The following C2CD5 variants were observed in gnomAD, a reference collection of about 807,000 sequenced individuals.
C2CD5 encodes C2 calcium dependent domain containing 5, also known as C2 domain-containing protein 5.
In C2CD5, 109 loss-of-function variants were observed where a neutral mutation model predicts 130.3. The ratio of observed to expected loss-of-function variants is 0.84; its 90% CI spans 0.72 to 0.98. The LOEUF (loss-of-function observed/expected upper bound fraction) is 0.98, where lower values mean the gene tolerates loss of function less well. C2CD5 is among the 50% of genes least tolerant of loss of function. The pLI is 0.00. For missense variants in C2CD5, 996 were observed against 1,261.8 expected (o/e 0.79, Z 3.19); for synonymous variants, 454 against 429.2 (o/e 1.06, Z -0.71).
intron 8 of C2CD5, among the ~76,000 whole-genome samples, chr12:22,514,550 T>C (rs1949520078): frequency 6.6e-6 from 1 of 151,808 alleles, no homozygotes; most frequent in African/African-American, 2.4e-5. Flanking sequence ...GAAAAAAAGA[T>C]AATAAAAGAA....
chr12:22,518,031 G>A lies in C2CD5; in HGVS notation c.907C>T (p.Gln303Ter). 1.2e-6 allele frequency: 2 copies of A among 1,613,952 alleles called. No homozygotes were observed. The highest frequency in any genetic ancestry group is 1.7e-6 in the Non-Finnish European group (2 of 1,179,850). The change falls in exon 8 of 27, where the codon CAG becomes TAG. Residue 303 changes from glutamine to a stop codon, truncating the protein, a stop_gained. Transcript: ENST00000446597. LOFTEE classifies it high-confidence loss of function. ...SFSPSKSYSR[Q>*]SSSSDTDLSL... ...AAATCTGTGTCAGAAGAAGAGGACT[G>A]TCGACTGTAGGACTTGGAAGGTGAA...
chr12:22,484,396 T>A (rs953321845), intron 13 of C2CD5: 8 of 247,760 alleles, frequency 3.2e-5, no homozygotes. Context: ...ACATATTGAA[T>A]GTAATTGAAG....
chr12:22,518,641 C>T, intron 7 of C2CD5, among the ~76,000 whole-genome samples: 1 of 152,196 alleles, frequency 6.6e-6, no homozygotes, highest in Non-Finnish European at 1.5e-5. Flanking sequence ...AGAAACATTG[C>T]ATTTAATGCA....
intron 22 of C2CD5, among the ~76,000 whole-genome samples, chr12:22,466,142 G>GTC (rs1942032298): frequency 3.3e-5 from 5 of 151,888 alleles, no homozygotes; most frequent in African/African-American, 1.2e-4. Flanking sequence ...ACAATGAAAG[G>GTC]TTTATCTACA....
intron 12 of C2CD5, among the ~76,000 whole-genome samples, chr12:22,485,739 T>A (rs1945400794): frequency 6.6e-6 from 1 of 152,094 alleles, no homozygotes; most frequent in Admixed American, 6.6e-5. Context: ...ACTGAAGCAA[T>A]TTTTAACTAA....
chr12:22,488,504 C>T (rs918111826), intron 12 of C2CD5, among the ~76,000 whole-genome samples: 7 of 150,494 alleles, frequency 4.7e-5, no homozygotes, highest in Non-Finnish European at 7.4e-5. Flanking sequence ...TTATTGTATT[C>T]GTCCAAGCCA....
At chr12:22,469,062 A>G (rs906293414) in intron 22 of C2CD5, among the ~76,000 whole-genome samples, 2 of 152,218 alleles carry the variant, frequency 1.3e-5, no homozygotes, top group Admixed American at 6.5e-5. Flanking sequence ...AATAAAAATC[A>G]TACTAAAATC....
intron 12 of C2CD5, among the ~76,000 whole-genome samples, chr12:22,487,946 A>G (rs12831414): frequency 0.15 from 22,631 of 151,558 alleles, 3,264 homozygotes; most frequent in African/African-American, 0.38. Flanking sequence ...GCAAACTATC[A>G]CAAGGACAAA....
chr12:22,540,207 G>T (rs576373050), intron 2 of C2CD5, among the ~76,000 whole-genome samples: 4 of 152,160 alleles, frequency 2.6e-5, no homozygotes, highest in Non-Finnish European at 4.4e-5. Context: ...CTACACAACT[G>T]TCTCACTCTG....
At chr12:22,459,756 G>A (rs1940720907) in intron 22 of C2CD5, among the ~76,000 whole-genome samples, 1 of 152,144 alleles carries the variant, frequency 6.6e-6, no homozygotes, top group Non-Finnish European at 1.5e-5. Flanking sequence ...CATGCCAAAG[G>A]AGACTACTTG....
chr12:22,484,510 A>C, intron 13 of C2CD5, 187 bp downstream of exon 13: 1 of 410,246 alleles, frequency 2.4e-6, no homozygotes, highest in Non-Finnish European at 4.3e-6. Flanking sequence ...TTGTACACAA[A>C]CTTATTTGAG....
intron 8 of C2CD5, 48 bp from the exon 9 acceptor site, chr12:22,513,427 A>C (rs1949407551): frequency 1.7e-6 from 2 of 1,169,620 alleles, no homozygotes; most frequent in Admixed American, 1.7e-5. Context: ...CAACTATAGA[A>C]ACAAAGTTTA....
intron 2 of C2CD5, among the ~76,000 whole-genome samples, chr12:22,542,804 G>A (rs1952524481): frequency 6.6e-6 from 1 of 152,122 alleles, no homozygotes; most frequent in East Asian, 1.9e-4. Flanking sequence ...CTGTAACATG[G>A]GACAATAACA....
intron 25 of C2CD5, among the ~76,000 whole-genome samples, chr12:22,454,307 T>C (rs1344783527): frequency 1.3e-5 from 2 of 152,170 alleles, no homozygotes; most frequent in Non-Finnish European, 2.9e-5. Context: ...TGACTAGCTA[T>C]GATCAAATTA....
intron 4 of C2CD5, among the ~76,000 whole-genome samples, chr12:22,525,944 C>T (rs761274484): frequency 1.3e-5 from 2 of 151,928 alleles, no homozygotes; most frequent in Non-Finnish European, 2.9e-5. Context: ...TGATTCTGTC[C>T]AACTGTAGGC....
intron 12 of C2CD5, among the ~76,000 whole-genome samples, chr12:22,489,501 ACAGGTATTATAT>A (rs1443979443): frequency 6.6e-6 from 1 of 152,090 alleles, no homozygotes; most frequent in Non-Finnish European, 1.5e-5. Flanking sequence ...GAAATGATGA[ACAGGTATTATAT>A]CAGGTATTAT....
intron 26 of C2CD5, among the ~76,000 whole-genome samples, chr12:22,453,013 T>C (rs1939030558): frequency 6.6e-6 from 1 of 152,242 alleles, no homozygotes; most frequent in Non-Finnish European, 1.5e-5. Flanking sequence ...GAAAAAATGA[T>C]ACTAAGAATT....
intron 2 of C2CD5, 113 bp downstream of exon 2, chr12:22,543,948 C>G (rs1392000835): frequency 1.3e-6 from 1 of 777,198 alleles, no homozygotes; most frequent in Non-Finnish European, 2.2e-6. Flanking sequence ...CAACCACGGC[C>G]GAAGGGAGGG....
At chr12:22,518,481 A>T (rs1297648737) in intron 7 of C2CD5, among the ~76,000 whole-genome samples, 2 of 152,224 alleles carry the variant, frequency 1.3e-5, no homozygotes, top group African/African-American at 4.8e-5. Flanking sequence ...AAAAATGGTA[A>T]CTACAAATGG....
Sources: allele counts gnomAD v4.1 joint callset (sites outside exome capture counted in the v4.1 genomes callset), GRCh38; gene constraint gnomAD v4.1.1; transcripts MANE v1.5; gene names NCBI Gene and HGNC (gene_info 2026-07-23, HGNC 2026-07-21).